The following SPECC1 variants were observed in gnomAD, a reference collection of about 807,000 sequenced individuals.
SPECC1 encodes the protein sperm antigen with calponin homology and coiled-coil domains 1.
A neutral mutation model predicts 104.1 loss-of-function variants in SPECC1; 62 were observed. The ratio of observed to expected loss-of-function variants is 0.60; its 90% CI spans 0.49 to 0.74. The LOEUF is 0.74. Ranked by LOEUF, SPECC1 falls within the 30% of genes least tolerant of loss-of-function variation. The pLI, the probability that SPECC1 is intolerant of heterozygous loss-of-function variation, is 0.00. For missense variants in SPECC1, 1,306 were observed against 1,310.5 expected, an observed-to-expected ratio of 1.00 and a Z score of 0.05; for synonymous variants, 513 against 501.6, an observed-to-expected ratio of 1.02 and a Z score of -0.30.
intron 7 of SPECC1, chr17:20,239,000 A>C (rs2039069639): frequency 9.6e-7 from 1 of 1,036,704 alleles, no homozygotes; most frequent in Admixed American, 5.7e-5. Context: ...AGTCACATCA[A>C]GTAACTAGAA....
intron 1 of SPECC1, among the ~76,000 whole-genome samples, chr17:20,058,368 G>A (rs9909181): frequency 0.023 from 3,524 of 152,258 alleles, 139 homozygotes; most frequent in African/African-American, 0.079. Context: ...AGTGGCTCAT[G>A]CTTGTAATCC....
chr17:20,127,600 G>C (rs1457815364), intron 3 of SPECC1, among the ~76,000 whole-genome samples: 1 of 152,130 alleles, frequency 6.6e-6, no homozygotes, highest in Non-Finnish European at 1.5e-5. Flanking sequence ...AAGCCACAGC[G>C]CCCAGCCAGG....
chr17:20,133,895 C>A (rs944129579), intron 3 of SPECC1, among the ~76,000 whole-genome samples: 2 of 152,106 alleles, frequency 1.3e-5, no homozygotes, highest in Non-Finnish European at 2.9e-5. Flanking sequence ...ACCCTCACAG[C>A]GTTCAGACGC....
At chr17:20,216,277 A>G (rs946097080) in intron 4 of SPECC1, among the ~76,000 whole-genome samples, 7 of 151,992 alleles carry the variant, frequency 4.6e-5, no homozygotes, top group African/African-American at 1.5e-4. Flanking sequence ...CCCACCCCCA[A>G]GCACTTCCTC....
intron 1 of SPECC1, among the ~76,000 whole-genome samples, chr17:20,014,194 A>T (rs1050528218): frequency 6.6e-6 from 1 of 152,218 alleles, no homozygotes; most frequent in African/African-American, 2.4e-5. Flanking sequence ...TTTCCTGATG[A>T]TAAATGAATT....
At chr17:20,112,234 T>C (rs1054913412) in intron 3 of SPECC1, 13 of 763,560 alleles carry the variant, frequency 1.7e-5, no homozygotes, top group African/African-American at 1.4e-4. Flanking sequence ...GCTTTCTTAA[T>C]TGACCGAAGT....
intron 3 of SPECC1, among the ~76,000 whole-genome samples, chr17:20,161,995 A>G (rs1392984562): frequency 6.6e-6 from 1 of 151,752 alleles, no homozygotes; most frequent in Non-Finnish European, 1.5e-5. Context: ...GGGTTTCGCC[A>G]TGTTGGCCAG....
intron 3 of SPECC1, among the ~76,000 whole-genome samples, chr17:20,192,416 A>G (rs1567921582): frequency 6.6e-6 from 1 of 151,848 alleles, no homozygotes; most frequent in African/African-American, 2.4e-5. Flanking sequence ...TTTTTCCCCA[A>G]TTTTGTTGAT....
intron 2 of SPECC1, among the ~76,000 whole-genome samples, chr17:20,108,449 T>C: frequency 6.6e-6 from 1 of 152,180 alleles, no homozygotes; most frequent in South Asian, 2.1e-4. Context: ...ACCCTGTCAA[T>C]ATGTTGAACG....
intron 1 of SPECC1, among the ~76,000 whole-genome samples, chr17:20,029,770 T>TCA (rs1463155428): frequency 5.9e-5 from 9 of 152,230 alleles, no homozygotes; most frequent in Non-Finnish European, 1.3e-4. Flanking sequence ...TTATTTCTGA[T>TCA]TCTAGTAATT....
rs895700361 is a variant in SPECC1 at position 20,317,536 on chromosome 17, G to A, written c.*3471G>A. On this transcript the variant is annotated 3_prime_UTR_variant, in exon 15 of 15. Transcript: ENST00000395527. ...AACCTCCCAAAGTGCTGGGACTACAGGGGTAAGCCACCGCGCCTGGCCCAA... is the reference window on the plus strand; with the variant it reads ...AACCTCCCAAAGTGCTGGGACTACAAGGGTAAGCCACCGCGCCTGGCCCAA... The A allele has an allele frequency of 4.3e-5, 8 of 187,406 alleles. No individual in the cohort carries two copies. Among genetic ancestry groups the A allele is most frequent in the East Asian group, 1.7e-4 (2 of 11,636 alleles). The allele number at this position is 187,406 out of a possible 1,614,324, so 11.6% of individuals were successfully genotyped here. A position where few individuals can be genotyped will look rare whatever the true frequency, so the allele number is the denominator to read the frequency against.
intron 4 of SPECC1, among the ~76,000 whole-genome samples, chr17:20,218,577 C>T (rs747846300): frequency 6.6e-6 from 1 of 152,036 alleles, no homozygotes; most frequent in African/African-American, 2.4e-5. Context: ...CAGGCTGTTT[C>T]TCTCTCTCTT....
At chr17:20,236,345 T>C (rs558122762) in intron 7 of SPECC1, among the ~76,000 whole-genome samples, 10 of 152,284 alleles carry the variant, frequency 6.6e-5, no homozygotes, top group African/African-American at 2.4e-4. Flanking sequence ...TTTCATAGTT[T>C]AAATGTACAT....
At chr17:20,051,336 T>C (rs1401322835) in intron 1 of SPECC1, among the ~76,000 whole-genome samples, 1 of 151,834 alleles carries the variant, frequency 6.6e-6, no homozygotes, top group Non-Finnish European at 1.5e-5. Context: ...CCACCATGCC[T>C]GGATAATTTC....
At chr17:20,158,910 G>GT (rs2032866928) in intron 3 of SPECC1, among the ~76,000 whole-genome samples, 2 of 150,980 alleles carry the variant, frequency 1.3e-5, no homozygotes, top group South Asian at 4.2e-4. Flanking sequence ...AGGCCCGGCT[G>GT]TTTCGTTTTT....
At chr17:20,262,026 C>T (rs1487051437) in intron 12 of SPECC1, among the ~76,000 whole-genome samples, 1 of 152,098 alleles carries the variant, frequency 6.6e-6, no homozygotes, top group Non-Finnish European at 1.5e-5. Flanking sequence ...GTTAGTATTG[C>T]TTGCATTTGA....
At chr17:20,156,516 C>G (rs1204460049) in intron 3 of SPECC1, among the ~76,000 whole-genome samples, 1 of 152,156 alleles carries the variant, frequency 6.6e-6, no homozygotes, top group Non-Finnish European at 1.5e-5. Context: ...CCACTCCGCG[C>G]CTGGCCTGCG....
At chr17:20,137,616 CTTTT>C (rs920300584) in intron 3 of SPECC1, among the ~76,000 whole-genome samples, 11 of 152,060 alleles carry the variant, frequency 7.2e-5, no homozygotes, top group Non-Finnish European at 1.2e-4. Flanking sequence ...GTTTTGCTTT[CTTTT>C]TTTATTTCCT....
intron 1 of SPECC1, among the ~76,000 whole-genome samples, chr17:20,078,391 C>T (rs184590618): frequency 3.3e-5 from 5 of 151,910 alleles, no homozygotes; most frequent in Non-Finnish European, 7.4e-5. Flanking sequence ...AAAAGCAATT[C>T]CTAGAAAAAG....
Sources: gnomAD v4.1 joint callset for allele counts (sites outside exome capture counted in the v4.1 genomes callset) on GRCh38, gnomAD v4.1.1 for gene constraint, MANE v1.5 for transcripts, NCBI Gene and HGNC (gene_info 2026-07-23, HGNC 2026-07-21) for gene names.